SLC12A1: variants seen among roughly 807,000 people sequenced by gnomAD.
SLC12A1 encodes the protein solute carrier family 12 member 1.
SLC12A1 carries 89 observed loss-of-function variants against 130.4 expected under a neutral mutation model. The ratio of observed to expected loss-of-function variants is 0.68; its 90% CI spans 0.58 to 0.81. The LOEUF (loss-of-function observed/expected upper bound fraction) is 0.81. Ranked by LOEUF, SLC12A1 falls within the 40% of genes least tolerant of loss-of-function variation. SLC12A1 has a pLI of 0.00. For missense variants in SLC12A1, 1,310 were observed against 1,336.4 expected (o/e 0.98, Z 0.31); for synonymous variants, 499 against 460.0 (o/e 1.08, Z -1.09).
At chr15:48,253,014 T>C (rs2041665438) in intron 15 of SLC12A1, among the ~76,000 whole-genome samples, 1 of 152,162 alleles carries the variant, frequency 6.6e-6, no homozygotes, top group South Asian at 2.1e-4. Flanking sequence ...GGATCTGAAC[T>C]TTGGGTGTTG....
chr15:48,224,438 C>G (rs1382830965), intron 4 of SLC12A1: 6 of 152,104 alleles, frequency 3.9e-5, no homozygotes, highest in African/African-American at 1.2e-4. Flanking sequence ...TAAAGGGTTG[C>G]TTAGAACATG....
chr15:48,240,060 TATATATATATCC>T lies in SLC12A1; in HGVS notation c.1216-1444_1216-1433del, dbSNP rs1269000028. On this transcript the variant is annotated intron_variant, in intron 9 of 26. Transcript: ENST00000380993. ...ATATATATATATATCCATATATATA[TATATATATATCC>T]ATATATATATATATATATCCATATA... Among the ~76,000 whole-genome samples, 12 of 105,650 alleles carry T rather than the reference TATATATATATCC, an allele frequency of 1.1e-4. 1 individual carries two copies. The highest frequency in any genetic ancestry group is 3.5e-4 in the African/African-American group (7 of 19,794). 69.3% of individuals were successfully genotyped at this position (105,650 alleles called of 152,430 possible).
intron 14 of SLC12A1, among the ~76,000 whole-genome samples, chr15:48,250,915 T>C (rs940450436): frequency 4.6e-5 from 7 of 152,104 alleles, no homozygotes; most frequent in Non-Finnish European, 8.8e-5. Context: ...CATACTGTCT[T>C]CCAGTTGCTT....
At chr15:48,266,042 A>G (rs1175787910) in intron 17 of SLC12A1, among the ~76,000 whole-genome samples, 2 of 152,332 alleles carry the variant, frequency 1.3e-5, no homozygotes, top group East Asian at 1.9e-4. Context: ...TGCATCCAGC[A>G]TATCTCAATG....
chr15:48,288,176 T>A lies in SLC12A1; in HGVS notation c.2761+2T>A, dbSNP rs920483188. On this transcript the variant is annotated splice_donor_variant, in intron 22 of 26. Transcript: ENST00000380993. LOFTEE classifies it high-confidence loss of function. The stretch of plus-strand genomic sequence containing the variant: ...TTTGGTGGTTGTTTGATGATGGAGG[T>A]AAAAACTTTCAGAAAATACACTAGG... 3 of 1,607,044 alleles carry A rather than the reference T, an allele frequency of 1.9e-6. No homozygotes were observed. Among genetic ancestry groups the A allele is most frequent in the Non-Finnish European group, 1.7e-6 (2 of 1,176,622 alleles).
intron 20 of SLC12A1, among the ~76,000 whole-genome samples, chr15:48,278,522 G>A (rs2041978726): frequency 6.6e-6 from 1 of 152,156 alleles, no homozygotes. Context: ...TGAAATCTGA[G>A]CTCTGGGAAT....
chr15:48,255,216 G>A (rs1176192932), intron 15 of SLC12A1, among the ~76,000 whole-genome samples: 1 of 152,124 alleles, frequency 6.6e-6, no homozygotes, highest in Non-Finnish European at 1.5e-5. Context: ...GAGATGGGTG[G>A]ATCACAAAGT....
At chr15:48,281,512 A>G (rs2042007986) in intron 20 of SLC12A1, among the ~76,000 whole-genome samples, 2 of 152,230 alleles carry the variant, frequency 1.3e-5, no homozygotes, top group African/African-American at 2.4e-5. Context: ...TTCCTTCAAC[A>G]GGCAGCTATT....
chr15:48,247,704 C>G (rs1223518522), intron 13 of SLC12A1, among the ~76,000 whole-genome samples: 2 of 152,218 alleles, frequency 1.3e-5, no homozygotes, highest in African/African-American at 2.4e-5. Flanking sequence ...CCACATGACG[C>G]TGAATCCTTC....
intron 19 of SLC12A1, among the ~76,000 whole-genome samples, chr15:48,272,133 A>T (rs2041904600): frequency 6.6e-6 from 1 of 152,158 alleles, no homozygotes; most frequent in African/African-American, 2.4e-5. Context: ...TTAATAATAG[A>T]TCTCCTTGGT....
chr15:48,281,019 T>C (rs1207065502), intron 20 of SLC12A1, among the ~76,000 whole-genome samples: 3 of 152,068 alleles, frequency 2.0e-5, no homozygotes, highest in East Asian at 3.9e-4. Context: ...CAAACATGGG[T>C]CCAGGTAATA....
At chr15:48,242,877 TG>T (rs1303846720) in intron 10 of SLC12A1, among the ~76,000 whole-genome samples, 7 of 152,248 alleles carry the variant, frequency 4.6e-5, no homozygotes, top group African/African-American at 1.7e-4. Flanking sequence ...AGATTTTTTT[TG>T]TTTCAGTGCT....
chr15:48,292,428 A>AT (rs2042131484), intron 24 of SLC12A1, among the ~76,000 whole-genome samples: 1 of 152,112 alleles, frequency 6.6e-6, no homozygotes, highest in Admixed American at 6.5e-5. Context: ...TAAAAAAAAA[A>AT]GAAAATGACA....
intron 21 of SLC12A1, among the ~76,000 whole-genome samples, chr15:48,286,141 C>G (rs1048027944): frequency 6.6e-6 from 1 of 152,140 alleles, no homozygotes; most frequent in Non-Finnish European, 1.5e-5. Flanking sequence ...TCGACAAGGC[C>G]ATCTCCTACC....
intron 24 of SLC12A1, among the ~76,000 whole-genome samples, chr15:48,294,899 T>TTTTATTTATTTATTTATTTATTTATTTC (rs6145555): frequency 1.4e-5 from 2 of 147,354 alleles, no homozygotes; most frequent in South Asian, 4.3e-4. Flanking sequence ...CTTCTTTTTA[T>TTTTATTTATTTATTTATTTATTTATTTC]TTTATTTATT....
intron 2 of SLC12A1, among the ~76,000 whole-genome samples, chr15:48,211,362 C>T (rs961649253): frequency 1.3e-5 from 2 of 152,188 alleles, no homozygotes; most frequent in Non-Finnish European, 2.9e-5. Context: ...CAGCTACTCT[C>T]CTTACTTTTC....
At chr15:48,238,823 G>A (rs1377112428) in intron 9 of SLC12A1, among the ~76,000 whole-genome samples, 1 of 152,162 alleles carries the variant, frequency 6.6e-6, no homozygotes, top group Non-Finnish European at 1.5e-5. Flanking sequence ...ATGTTACAAA[G>A]TTCCCATCCA....
chr15:48,234,754 A>G (rs77430774), intron 8 of SLC12A1, 123 bp from the exon 9 acceptor site: 1 of 861,500 alleles, frequency 1.2e-6, no homozygotes, highest in Admixed American at 2.8e-5. Context: ...CTCTGTCTCA[A>G]AAAAAAAAAA....
intron 5 of SLC12A1, chr15:48,227,071 T>A: frequency 1.9e-6 from 3 of 1,547,370 alleles, no homozygotes; most frequent in Non-Finnish European, 2.6e-6. Context: ...TCTTGGGGGA[T>A]TTTGCAGGTC....
Sources: gnomAD v4.1 joint callset for allele counts (sites outside exome capture counted in the v4.1 genomes callset) on GRCh38, gnomAD v4.1.1 for gene constraint, MANE v1.5 for transcripts, NCBI Gene and HGNC (gene_info 2026-07-23, HGNC 2026-07-21) for gene names.